Variants in SMAD3 observed in about 807,000 individuals in gnomAD.
SMAD3 encodes the protein SMAD family member 3, also known as MAD homolog 3.
SMAD3 carries 12 observed loss-of-function variants against 51.8 expected under a neutral mutation model. That is an observed-to-expected ratio of 0.23 (90% CI 0.15 to 0.38). The LOEUF (loss-of-function observed/expected upper bound fraction) is 0.38. Ranked by LOEUF, SMAD3 falls within the 10% of genes least tolerant of loss-of-function variation. The pLI, the probability that SMAD3 is intolerant of heterozygous loss-of-function variation, is 1.00. For synonymous variants in SMAD3, 238 were observed against 227.7 expected (o/e 1.05, Z -0.41); for missense variants, 294 against 565.6 (o/e 0.52, Z 4.87).
intron 1 of SMAD3, among the ~76,000 whole-genome samples, chr15:67,069,247 A>C (rs1209445796): frequency 2.6e-5 from 4 of 152,186 alleles, no homozygotes; most frequent in Non-Finnish European, 5.9e-5. Context: ...ATTGGTGCCA[A>C]GGAAGTGGTA....
intron 1 of SMAD3, among the ~76,000 whole-genome samples, chr15:67,113,604 C>T (rs1961072202): frequency 6.6e-6 from 1 of 152,194 alleles, no homozygotes; most frequent in Non-Finnish European, 1.5e-5. Flanking sequence ...GTAGCCTGCA[C>T]ATTTGGCCTT....
At chr15:67,165,420 C>A (rs1209578135) in intron 3 of SMAD3, 36 bp downstream of exon 3, 1 of 1,611,346 alleles carries the variant, frequency 6.2e-7, no homozygotes, top group Non-Finnish European at 8.5e-7. Flanking sequence ...GCCTGGGAGG[C>A]AGGGGCAGCG....
At chr15:67,186,526 A>AT (rs1193170044) in intron 7 of SMAD3, 1 of 154,082 alleles carries the variant, frequency 6.5e-6, no homozygotes, top group Non-Finnish European at 1.4e-5. Flanking sequence ...CTGTTGGCTC[A>AT]TTCATAAGCG....
chr15:67,068,605 C>T (rs1959981260), intron 1 of SMAD3, among the ~76,000 whole-genome samples: 1 of 152,204 alleles, frequency 6.6e-6, no homozygotes, highest in African/African-American at 2.4e-5. Flanking sequence ...GCATCTTCTG[C>T]CTGCCTGGAT....
intron 1 of SMAD3, among the ~76,000 whole-genome samples, chr15:67,120,609 A>G (rs974007593): frequency 2.6e-5 from 4 of 152,160 alleles, no homozygotes; most frequent in Non-Finnish European, 4.4e-5. Context: ...GCACTGTGCA[A>G]TGGTGTTGCC....
chr15:67,100,752 C>T (rs1960736658), intron 1 of SMAD3, among the ~76,000 whole-genome samples: 1 of 152,060 alleles, frequency 6.6e-6, no homozygotes, highest in Non-Finnish European at 1.5e-5. Flanking sequence ...TTTACGTGTA[C>T]ACTGAGGCAG....
chr15:67,141,400 G>A (rs1961817288), intron 1 of SMAD3, among the ~76,000 whole-genome samples: 1 of 152,220 alleles, frequency 6.6e-6, no homozygotes, highest in Admixed American at 6.5e-5. Context: ...CAAGATGGAT[G>A]CAGTGGGAGG....
Position 67,165,106 on chromosome 15 carries a change from C to T in SMAD3, c.400+18C>T, listed in dbSNP as rs1189494773. The stretch of plus-strand genomic sequence containing the variant: ...GACACCAGGTATGCTGCCTGGCCTG[C>T]CTGTGGGGACAGCAGGTGCCAGGGG... On this transcript the variant is annotated intron_variant, in intron 2 of 8. Transcript: ENST00000327367. 6.2e-7 allele frequency: 1 copy of T among 1,613,496 alleles called. No individual in the cohort carries two copies. The highest frequency in any genetic ancestry group is 8.5e-7 in the Non-Finnish European group (1 of 1,179,442).
At chr15:67,117,627 T>G (rs1416227466) in intron 1 of SMAD3, among the ~76,000 whole-genome samples, 1 of 152,168 alleles carries the variant, frequency 6.6e-6, no homozygotes, top group Non-Finnish European at 1.5e-5. Context: ...CTCCAAGCTC[T>G]TGTGAAAGAG....
At chr15:67,117,781 C>A (rs904112346) in intron 1 of SMAD3, among the ~76,000 whole-genome samples, 1 of 152,168 alleles carries the variant, frequency 6.6e-6, no homozygotes, top group Non-Finnish European at 1.5e-5. Context: ...TGAGAATGTA[C>A]AGAACTCTCT....
intron 1 of SMAD3, among the ~76,000 whole-genome samples, chr15:67,132,249 G>C (rs1349643876): frequency 6.6e-6 from 1 of 152,164 alleles, no homozygotes; most frequent in East Asian, 1.9e-4. Context: ...TGAACAGCAA[G>C]TTCCCATGCT....
chr15:67,141,601 G>A (rs1414173990), intron 1 of SMAD3, among the ~76,000 whole-genome samples: 1 of 152,182 alleles, frequency 6.6e-6, no homozygotes, highest in Admixed American at 6.5e-5. Flanking sequence ...GTCCCTGAAG[G>A]CTGTACCAGG....
In SMAD3 at chr15:67,166,862, T is replaced by A. The variant is rs886051380; in HGVS notation, c.607+9T>A. ...CCACAGCATGGACGCAGGTCAGTCATGCAGGGTCATGCTCTTATTCTTAAC... is the reference window on the plus strand; with the variant it reads ...CCACAGCATGGACGCAGGTCAGTCAAGCAGGGTCATGCTCTTATTCTTAAC... On this transcript the variant is annotated intron_variant, in intron 4 of 8. Transcript: ENST00000327367. The A allele has an allele frequency of 1.2e-4, 188 of 1,575,170 alleles. No individual in the cohort carries two copies. Among genetic ancestry groups the A allele is most frequent in the Non-Finnish European group, 1.5e-4 (169 of 1,158,700 alleles).
At chr15:67,116,138 C>T (rs1961129971) in intron 1 of SMAD3, among the ~76,000 whole-genome samples, 1 of 152,234 alleles carries the variant, frequency 6.6e-6, no homozygotes, top group African/African-American at 2.4e-5. Context: ...AGTTAGTTGC[C>T]TTGTGCATCC....
chr15:67,151,666 T>A (rs1397412437), intron 1 of SMAD3, among the ~76,000 whole-genome samples: 1 of 152,146 alleles, frequency 6.6e-6, no homozygotes, highest in African/African-American at 2.4e-5. Context: ...AAAGTTAGAG[T>A]TTTTGAAAAA....
intron 1 of SMAD3, among the ~76,000 whole-genome samples, chr15:67,129,934 G>A (rs1195038051): frequency 6.6e-6 from 1 of 152,214 alleles, no homozygotes; most frequent in African/African-American, 2.4e-5. Context: ...CACAGCTACA[G>A]GATTTCTTCG....
At chr15:67,138,087 T>C (rs1961712266) in intron 1 of SMAD3, 5 of 1,551,340 alleles carry the variant, frequency 3.2e-6, no homozygotes, top group South Asian at 1.2e-5. Context: ...CCGGAAAGCA[T>C]GGTGGATGGG....
At chr15:67,171,172 C>T (rs1962741542) in intron 5 of SMAD3, among the ~76,000 whole-genome samples, 1 of 152,216 alleles carries the variant, frequency 6.6e-6, no homozygotes, top group African/African-American at 2.4e-5. Flanking sequence ...TGCCTTGCCA[C>T]TGAGATCATA....
At chr15:67,088,668 G>A (rs1399586052) in intron 1 of SMAD3, among the ~76,000 whole-genome samples, 5 of 152,154 alleles carry the variant, frequency 3.3e-5, no homozygotes, top group Admixed American at 6.5e-5. Context: ...GGTGGCTCAC[G>A]CCTGTAATCC....
Sources: allele counts gnomAD v4.1 joint callset (sites outside exome capture counted in the v4.1 genomes callset), GRCh38; gene constraint gnomAD v4.1.1; transcripts MANE v1.5; gene names NCBI Gene and HGNC (gene_info 2026-07-23, HGNC 2026-07-21).